CD247: variants seen among roughly 807,000 people sequenced by gnomAD.
CD247 encodes CD247 molecule, also known as T-cell surface glycoprotein CD3 zeta chain.
In CD247, 13 loss-of-function variants were observed where a neutral mutation model predicts 30.0. That is an observed-to-expected ratio of 0.43 (90% CI 0.28 to 0.69). The LOEUF is 0.69. Among genes scored for constraint, CD247 ranks in the 30% least tolerant of loss-of-function variants. The pLI, the probability that CD247 is intolerant of heterozygous loss-of-function variation, is 0.16. For synonymous variants in CD247, 72 were observed against 80.0 expected (o/e 0.90, Z 0.53); for missense variants, 193 against 212.6 (o/e 0.91, Z 0.57).
intron 1 of CD247, among the ~76,000 whole-genome samples, chr1:167,510,458 C>G (rs906974462): frequency 6.6e-6 from 1 of 152,228 alleles, no homozygotes; most frequent in African/African-American, 2.4e-5. Flanking sequence ...GGGGCTTGGG[C>G]TCAGGCTTTT....
chr1:167,434,611 G>A, intron 5 of CD247: 1 of 366,798 alleles, frequency 2.7e-6, no homozygotes, highest in Non-Finnish European at 5.3e-6. Flanking sequence ...CTATAGGGGG[G>A]TACACTCAGA....
intron 3 of CD247, among the ~76,000 whole-genome samples, chr1:167,439,087 G>C (rs564907694): frequency 2.0e-5 from 3 of 152,190 alleles, no homozygotes; most frequent in Non-Finnish European, 4.4e-5. Context: ...GGGCTCACTA[G>C]TGGCAGGCAC....
intron 1 of CD247, among the ~76,000 whole-genome samples, chr1:167,508,275 A>T (rs1234597207): frequency 1.3e-5 from 2 of 151,800 alleles, no homozygotes; most frequent in Admixed American, 1.3e-4. Flanking sequence ...GTTGAAATGG[A>T]AGGAGTTTGC....
Position 167,440,649 on chromosome 1 carries a change from C to T in CD247, c.162+15G>A, listed in dbSNP as rs142777251. On this transcript the variant is annotated intron_variant, in intron 2 of 7. Coordinates refer to ENST00000362089, the MANE Select transcript of CD247 (RefSeq NM_198053.3). ...GGGACCCCGTGCCCTCCTCCCAAAG[C>T]CCAGTGGTACCCACCTTCACTCTCA... 10 of 1,578,888 alleles carry T rather than the reference C, an allele frequency of 6.3e-6. No individual in the cohort carries two copies. Among genetic ancestry groups the T allele is most frequent in the African/African-American group, 1.3e-5 (1 of 74,268 alleles).
chr1:167,468,037 G>A (rs1653340261), intron 1 of CD247, among the ~76,000 whole-genome samples: 1 of 152,142 alleles, frequency 6.6e-6, no homozygotes, highest in Non-Finnish European at 1.5e-5. Context: ...AGAAGGCTTA[G>A]ACAGTAAAAA....
chr1:167,495,213 T>C (rs544426265), intron 1 of CD247, among the ~76,000 whole-genome samples: 1 of 152,356 alleles, frequency 6.6e-6, no homozygotes, highest in East Asian at 1.9e-4. Flanking sequence ...CTATGTGGTC[T>C]ACGATATGTT....
intron 1 of CD247, among the ~76,000 whole-genome samples, chr1:167,488,543 G>A (rs980819412): frequency 2.0e-5 from 3 of 152,164 alleles, no homozygotes; most frequent in African/African-American, 7.2e-5. Flanking sequence ...CCTCACCTGG[G>A]GGATGGAGTG....
At chr1:167,453,218 T>G (rs375531330) in intron 1 of CD247, among the ~76,000 whole-genome samples, 68 of 152,268 alleles carry the variant, frequency 4.5e-4, no homozygotes, top group African/African-American at 1.5e-3. Context: ...TTTATTTCAT[T>G]TGATCCTAAC....
At chr1:167,487,286 G>T (rs1466016922) in intron 1 of CD247, among the ~76,000 whole-genome samples, 1 of 151,866 alleles carries the variant, frequency 6.6e-6, no homozygotes, top group African/African-American at 2.4e-5. Context: ...TTCAGGCAGA[G>T]AATCGCTTGA....
intron 1 of CD247, among the ~76,000 whole-genome samples, chr1:167,467,375 C>G (rs949882738): frequency 2.6e-5 from 4 of 152,222 alleles, no homozygotes; most frequent in African/African-American, 4.8e-5. Context: ...TGAAAACTCT[C>G]ATTTTCCATT....
At chr1:167,512,821 C>A (rs930419746) in intron 1 of CD247, among the ~76,000 whole-genome samples, 30 of 152,192 alleles carry the variant, frequency 2.0e-4, no homozygotes, top group African/African-American at 5.8e-4. Flanking sequence ...GAGGGGAAGG[C>A]GGCTCAGGAC....
chr1:167,445,515 G>C (rs774208682), intron 1 of CD247, among the ~76,000 whole-genome samples: 35 of 145,032 alleles, frequency 2.4e-4, no homozygotes, highest in Non-Finnish European at 4.8e-4. Flanking sequence ...AGTGAGCCTC[G>C]CCATCCCTTT....
intron 1 of CD247, among the ~76,000 whole-genome samples, chr1:167,515,453 T>C (rs1329921037): frequency 6.6e-6 from 1 of 152,206 alleles, no homozygotes; most frequent in Non-Finnish European, 1.5e-5. Context: ...GCAAAGTAAG[T>C]GGCACTGAGA....
intron 1 of CD247, among the ~76,000 whole-genome samples, chr1:167,496,059 T>G (rs1654677826): frequency 1.3e-5 from 2 of 152,228 alleles, no homozygotes; most frequent in African/African-American, 4.8e-5. Context: ...GTGGTTCAGT[T>G]TGTTCATGAT....
At chr1:167,479,757 C>A (rs1474653546) in intron 1 of CD247, among the ~76,000 whole-genome samples, 2 of 152,196 alleles carry the variant, frequency 1.3e-5, no homozygotes, top group African/African-American at 4.8e-5. Context: ...TGATCCCTGA[C>A]TTGGAATGCC....
At chr1:167,484,796 A>G (rs1017744529) in intron 1 of CD247, among the ~76,000 whole-genome samples, 1 of 152,098 alleles carries the variant, frequency 6.6e-6, no homozygotes, top group Non-Finnish European at 1.5e-5. Context: ...CAAAACAAAA[A>G]AGAGAAGGGC....
intron 7 of CD247, 131 bp downstream of exon 7, chr1:167,432,893 G>T: frequency 2.2e-6 from 2 of 912,044 alleles, no homozygotes; most frequent in South Asian, 1.4e-5. Context: ...TGGCCTAAAT[G>T]GGTGCCTTGG....
rs534050645 is a variant in CD247 at position 167,471,703 on chromosome 1, A to G, written c.59-30936T>C. ...CTGCAGCCTTGAACTCCTGGGCTCA[A>G]ACGATCTTCCAGCCTCAGCCTCCAG... On this transcript the variant is annotated intron_variant, in intron 1 of 7. Coordinates refer to ENST00000362089, the MANE Select transcript of CD247 (RefSeq NM_198053.3). Among the ~76,000 whole-genome samples, 19 of 152,236 alleles carry G rather than the reference A, an allele frequency of 1.2e-4. No homozygotes were observed. The South Asian group carries it at 3.7e-3, about 30-fold the overall frequency.
intron 1 of CD247, among the ~76,000 whole-genome samples, chr1:167,452,997 A>ATG (rs71097678): frequency 0.41 from 43,761 of 106,856 alleles, 7,720 homozygotes; most frequent in Middle Eastern, 0.61. Context: ...ATGTGTGTGT[A>ATG]TGTGTGTGTG....
Sources: allele counts gnomAD v4.1 joint callset (sites outside exome capture counted in the v4.1 genomes callset), GRCh38; gene constraint gnomAD v4.1.1; transcripts MANE v1.5; gene names NCBI Gene and HGNC (gene_info 2026-07-23, HGNC 2026-07-21).